CDK14: variants seen among roughly 807,000 people sequenced by gnomAD.
The protein encoded by CDK14 is cyclin dependent kinase 14, also known as cyclin-dependent kinase 14.
A neutral mutation model predicts 60.7 loss-of-function variants in CDK14; 34 were observed. The ratio of observed to expected loss-of-function variants is 0.56; its 90% CI spans 0.43 to 0.75. The LOEUF (loss-of-function observed/expected upper bound fraction) is 0.75, where lower values mean the gene tolerates loss of function less well. CDK14 is among the 30% of genes least tolerant of loss of function. The pLI, the probability that CDK14 is intolerant of heterozygous loss-of-function variation, is 0.00. For synonymous variants in CDK14, 197 were observed against 203.7 expected (o/e 0.97, Z 0.28); for missense variants, 482 against 564.1 (o/e 0.85, Z 1.47).
chr7:90,906,597 A>T (rs1183825428), intron 7 of CDK14, among the ~76,000 whole-genome samples: 1 of 152,060 alleles, frequency 6.6e-6, no homozygotes, highest in Non-Finnish European at 1.5e-5. Flanking sequence ...TTTATCTAGG[A>T]TTCTAAAACT....
At chr7:90,771,881 G>A (rs1282012922) in intron 4 of CDK14, among the ~76,000 whole-genome samples, 5 of 152,198 alleles carry the variant, frequency 3.3e-5, no homozygotes, top group Middle Eastern at 3.2e-3. Flanking sequence ...GTTCCTGTCT[G>A]CCTAGGAATT....
At chr7:90,955,611 A>C in intron 8 of CDK14, 86 bp from the exon 9 acceptor site, 1 of 1,490,964 alleles carries the variant, frequency 6.7e-7, no homozygotes, top group Non-Finnish European at 9.3e-7. Flanking sequence ...GTCGGGTTTG[A>C]CCTTTAAGAA....
At chr7:90,917,226 T>A (rs1270353481) in intron 7 of CDK14, among the ~76,000 whole-genome samples, 2 of 152,196 alleles carry the variant, frequency 1.3e-5, no homozygotes, top group Non-Finnish European at 2.9e-5. Context: ...AGTTCTTTTT[T>A]TAATCTCTAT....
chr7:90,806,183 T>C (rs1273314049), intron 5 of CDK14, among the ~76,000 whole-genome samples: 10 of 152,178 alleles, frequency 6.6e-5, no homozygotes, highest in Non-Finnish European at 1.5e-4. Context: ...TTAAAACTTC[T>C]GGAAGGAAAT....
intron 7 of CDK14, among the ~76,000 whole-genome samples, chr7:90,901,292 A>G (rs1430618948): frequency 6.6e-6 from 1 of 152,182 alleles, no homozygotes; most frequent in Non-Finnish European, 1.5e-5. Context: ...TGAAATGTGT[A>G]GTCAGTGTAG....
rs572365790 is a variant in CDK14 at position 90,720,692 on chromosome 7, T to A, written c.124-5875T>A. ...TATACTTATTAACAGTGTGGGTTTA[T>A]GTAATCTTATTATTATTTCTCTATT... On this transcript the variant is annotated intron_variant, in intron 2 of 14. Coordinates refer to ENST00000380050, the MANE Select transcript of CDK14 (RefSeq NM_001287135.2). Among the ~76,000 whole-genome samples, 25 of 152,324 alleles carry A rather than the reference T, an allele frequency of 1.6e-4. 1 individual carries two copies. Among genetic ancestry groups the A allele is most frequent in the Admixed American group, 1.2e-3 (19 of 15,296 alleles).
At chr7:90,685,512 C>T (rs1040766812) in intron 2 of CDK14, among the ~76,000 whole-genome samples, 5 of 151,926 alleles carry the variant, frequency 3.3e-5, no homozygotes, top group African/African-American at 9.7e-5. Flanking sequence ...GAGTCTTGTT[C>T]TGTCACCCAG....
intron 2 of CDK14, among the ~76,000 whole-genome samples, chr7:90,633,744 TC>T (rs1800060603): frequency 6.6e-6 from 1 of 151,224 alleles, no homozygotes; most frequent in Non-Finnish European, 1.5e-5. Context: ...ATTTTATAAA[TC>T]TTTTTTTTTC....
intron 6 of CDK14, among the ~76,000 whole-genome samples, chr7:90,897,849 T>C (rs1792385839): frequency 6.6e-6 from 1 of 152,098 alleles, no homozygotes; most frequent in South Asian, 2.1e-4. Context: ...CTTTTTCTCT[T>C]TGTCTGACAT....
intron 4 of CDK14, among the ~76,000 whole-genome samples, chr7:90,766,760 C>G (rs745664877): frequency 6.6e-6 from 1 of 152,114 alleles, no homozygotes; most frequent in Admixed American, 6.5e-5. Flanking sequence ...AAAGAACACT[C>G]GGGGGGCCAT....
In CDK14 at chr7:90,878,521, ACATACTGTACATCAGCCTT is replaced by A. The variant is rs200224670; in HGVS notation, c.639+15256_639+15274del. ...ATAATGCATTTCTTTTACACAACAG[ACATACTGTACATCAGCCTT>A]CATCTGGAAGATCCATCCTGTGTCC... is the stretch of plus-strand genomic sequence containing the variant. On this transcript the variant is annotated intron_variant, in intron 6 of 14. Transcript: ENST00000380050. Among the ~76,000 whole-genome samples the A allele has an allele frequency of 7.8e-4, 118 of 152,146 alleles. 2 individuals are homozygous for A. The East Asian group carries it at 0.02, about 25-fold the overall frequency.
At chr7:91,047,791 A>G (rs572174690) in intron 11 of CDK14, among the ~76,000 whole-genome samples, 1 of 152,162 alleles carries the variant, frequency 6.6e-6, no homozygotes, top group Non-Finnish European at 1.5e-5. Context: ...AGTTTGCTTG[A>G]GAGGAGTCAA....
At chr7:90,800,541 T>G (rs983691345) in intron 5 of CDK14, among the ~76,000 whole-genome samples, 3 of 152,228 alleles carry the variant, frequency 2.0e-5, no homozygotes, top group Non-Finnish European at 2.9e-5. Context: ...TTTTTCTTTT[T>G]TAATGTTATA....
At chr7:90,811,706 G>A (rs1352541899) in intron 5 of CDK14, among the ~76,000 whole-genome samples, 9 of 151,588 alleles carry the variant, frequency 5.9e-5, no homozygotes, top group South Asian at 2.1e-4. Context: ...GAAAATTTTC[G>A]CAATCTACTC....
intron 2 of CDK14, among the ~76,000 whole-genome samples, chr7:90,668,538 TTTTG>T (rs1396433252): frequency 6.6e-6 from 1 of 152,128 alleles, no homozygotes; most frequent in Non-Finnish European, 1.5e-5. Context: ...CTATTTTTTC[TTTTG>T]TTTGTATTTT....
chr7:91,068,759 C>A (rs1798050759), intron 11 of CDK14, among the ~76,000 whole-genome samples: 2 of 142,254 alleles, frequency 1.4e-5, no homozygotes, highest in South Asian at 4.5e-4. Flanking sequence ...TCCAACCTTG[C>A]CTTCTGTAGT....
At chr7:90,682,309 A>G (rs575233420) in intron 2 of CDK14, among the ~76,000 whole-genome samples, 1 of 152,182 alleles carries the variant, frequency 6.6e-6, no homozygotes, top group Non-Finnish European at 1.5e-5. Context: ...ACATTTTAAA[A>G]CTTTTTCTTT....
At chr7:90,761,227 T>C (rs923383039) in intron 4 of CDK14, among the ~76,000 whole-genome samples, 32 of 152,218 alleles carry the variant, frequency 2.1e-4, no homozygotes, top group Admixed American at 6.5e-5. Context: ...TCTTTGATCA[T>C]TTGGACAGGA....
intron 6 of CDK14, among the ~76,000 whole-genome samples, chr7:90,894,470 G>A (rs1259694717): frequency 6.6e-6 from 1 of 152,114 alleles, no homozygotes; most frequent in Non-Finnish European, 1.5e-5. Flanking sequence ...TAAAGGTTTA[G>A]GAAAGTCTTT....
Sources: gnomAD v4.1 joint callset for allele counts (sites outside exome capture counted in the v4.1 genomes callset) on GRCh38, gnomAD v4.1.1 for gene constraint, MANE v1.5 for transcripts, NCBI Gene and HGNC (gene_info 2026-07-23, HGNC 2026-07-21) for gene names.